Variants in AIG1 observed in about 807,000 individuals in gnomAD.
AIG1 encodes the protein androgen-induced gene 1 protein.
A neutral mutation model predicts 31.4 loss-of-function variants in AIG1; 23 were observed. The ratio of observed to expected loss-of-function variants is 0.73; its 90% CI spans 0.53 to 1.04. AIG1 has a LOEUF of 1.04. AIG1 is among the 50% of genes least tolerant of loss of function. AIG1 has a pLI of 0.00. For synonymous variants in AIG1, 100 were observed against 110.5 expected, an observed-to-expected ratio of 0.90 and a Z score of 0.60; for missense variants, 274 against 295.0, an observed-to-expected ratio of 0.93 and a Z score of 0.52.
intron 4 of AIG1, among the ~76,000 whole-genome samples, chr6:143,300,694 T>C (rs1279467230): frequency 5.9e-5 from 9 of 152,246 alleles, no homozygotes; most frequent in Admixed American, 5.2e-4. Flanking sequence ...AAGTCTTGAT[T>C]TTTATAGCAT....
intron 1 of AIG1, among the ~76,000 whole-genome samples, chr6:143,088,937 A>G (rs1779047681): frequency 6.6e-6 from 1 of 152,218 alleles, no homozygotes; most frequent in African/African-American, 2.4e-5. Flanking sequence ...AGTGCCAGGC[A>G]TGGTGCCTCA....
At chr6:143,061,515 A>C (rs1221711735) in intron 1 of AIG1, 3 of 336,630 alleles carry the variant, frequency 8.9e-6, no homozygotes, top group Non-Finnish European at 1.8e-5. Context: ...GGTATTGTCT[A>C]GTGATTTGGA....
intron 3 of AIG1, among the ~76,000 whole-genome samples, chr6:143,225,760 G>A (rs907168298): frequency 2.6e-5 from 4 of 152,198 alleles, no homozygotes; most frequent in African/African-American, 9.7e-5. Flanking sequence ...AACACAGTTT[G>A]TCTCATTGAC....
chr6:143,324,843 G>T (rs1776475788), intron 4 of AIG1, among the ~76,000 whole-genome samples: 1 of 152,124 alleles, frequency 6.6e-6, no homozygotes, highest in Admixed American at 6.5e-5. Flanking sequence ...AAAATAGAAA[G>T]GTGACATAGC....
chr6:143,276,285 G>T (rs529066958), intron 3 of AIG1, among the ~76,000 whole-genome samples: 1 of 152,252 alleles, frequency 6.6e-6, no homozygotes, highest in East Asian at 1.9e-4. Context: ...GAGTTGTTGG[G>T]GCTAATGTTA....
chr6:143,296,058 TACAC>T (rs1479832579), intron 4 of AIG1, among the ~76,000 whole-genome samples: 3 of 151,804 alleles, frequency 2.0e-5, no homozygotes, highest in African/African-American at 7.3e-5. Flanking sequence ...ATATTACACA[TACAC>T]ACACACCCAC....
intron 3 of AIG1, among the ~76,000 whole-genome samples, chr6:143,215,357 C>G (rs1402414466): frequency 1.3e-5 from 2 of 152,096 alleles, no homozygotes; most frequent in African/African-American, 4.8e-5. Context: ...AACTCAGCAT[C>G]CACTTTCTCC....
At chr6:143,253,719 C>T (rs1424637026) in intron 3 of AIG1, among the ~76,000 whole-genome samples, 3 of 152,160 alleles carry the variant, frequency 2.0e-5, no homozygotes, top group Non-Finnish European at 4.4e-5. Flanking sequence ...TTCAGTTTTT[C>T]AGAATGTGTA....
intron 3 of AIG1, among the ~76,000 whole-genome samples, chr6:143,242,853 A>G (rs943775084): frequency 6.6e-6 from 1 of 152,242 alleles, no homozygotes; most frequent in Non-Finnish European, 1.5e-5. Flanking sequence ...TGCATGCGAC[A>G]TCATGGCTGC....
chr6:143,146,723 C>T (rs1402764183), intron 2 of AIG1, among the ~76,000 whole-genome samples: 4 of 152,166 alleles, frequency 2.6e-5, no homozygotes, highest in Non-Finnish European at 1.5e-5. Flanking sequence ...TGTACTGTTA[C>T]ATCAGCTGAT....
chr6:143,249,551 A>T (rs748405366), intron 3 of AIG1, among the ~76,000 whole-genome samples: 1 of 152,194 alleles, frequency 6.6e-6, no homozygotes, highest in Non-Finnish European at 1.5e-5. Flanking sequence ...AGCCAATAAC[A>T]ACTTAGATAG....
intron 2 of AIG1, among the ~76,000 whole-genome samples, chr6:143,139,007 G>T (rs1784020402): frequency 6.6e-6 from 1 of 151,586 alleles, no homozygotes; most frequent in East Asian, 1.9e-4. Context: ...GACTTATGTT[G>T]TAAATTTTGC....
intron 4 of AIG1, among the ~76,000 whole-genome samples, chr6:143,285,609 A>C (rs1241103165): frequency 6.6e-6 from 1 of 151,962 alleles, no homozygotes; most frequent in Non-Finnish European, 1.5e-5. Context: ...AGTTGCAGCG[A>C]GCCGAGATCA....
chr6:143,140,102 G>A (rs144954741), intron 2 of AIG1, among the ~76,000 whole-genome samples: 302 of 152,278 alleles, frequency 2.0e-3, no homozygotes, highest in Middle Eastern at 6.8e-3. Context: ...GCAAAGTCAC[G>A]TCTTACATGG....
intron 3 of AIG1, chr6:143,188,470 A>G: frequency 1.0e-6 from 1 of 985,372 alleles, no homozygotes; most frequent in Non-Finnish European, 1.2e-6. Context: ...TTAGAGTGGC[A>G]CTGGAAGGTC....
chr6:143,093,128 T>C (rs1469239269), intron 1 of AIG1, among the ~76,000 whole-genome samples: 2 of 152,234 alleles, frequency 1.3e-5, no homozygotes. Context: ...CATTTCTAGC[T>C]GTGAGAGTCC....
In AIG1 at chr6:143,329,258, A is replaced by G. The variant is rs1211027411; in HGVS notation, c.516-4024A>G. On this transcript the variant is annotated intron_variant, in intron 4 of 5. Transcript: ENST00000357847. The surrounding 1 kb of genome is among the most constrained non-coding windows in gnomAD (Gnocchi z 4.9). ...GAAGCAAGTCCATGCAGCAAAAAAG[A>G]AATCAGATGTGCACTTCTTTCCCAG... Among the ~76,000 whole-genome samples the G allele has an allele frequency of 6.6e-6, 1 of 152,242 alleles. No homozygotes were observed. The highest frequency in any genetic ancestry group is 1.9e-4 in the East Asian group (1 of 5,202).
chr6:143,342,607 T>A, downstream of AIG1: 1 of 1,082,674 alleles, frequency 9.2e-7, no homozygotes, highest in Non-Finnish European at 1.4e-6. Flanking sequence ...TATTTGGCAA[T>A]ACGAATCACT....
chr6:143,192,554 A>G (rs1789883601), intron 3 of AIG1, among the ~76,000 whole-genome samples: 1 of 151,958 alleles, frequency 6.6e-6, no homozygotes, highest in South Asian at 2.1e-4. Flanking sequence ...GCAATGAGCC[A>G]AGATCGTACT....
Sources: allele counts gnomAD v4.1 joint callset (sites outside exome capture counted in the v4.1 genomes callset), GRCh38; gene constraint gnomAD v4.1.1; non-coding constraint Gnocchi (gnomAD v3.1); transcripts MANE v1.5; gene names NCBI Gene and HGNC (gene_info 2026-07-23, HGNC 2026-07-21).